The following TMEM132D variants were observed in gnomAD, a reference collection of about 807,000 sequenced individuals.
TMEM132D encodes mature OL transmembrane protein.
Under a neutral mutation model 62.3 loss-of-function variants are expected in TMEM132D, and 21 were observed. That is an observed-to-expected ratio of 0.34 (90% CI 0.24 to 0.49). The LOEUF is 0.49. Ranked by LOEUF, TMEM132D falls within the 20% of genes least tolerant of loss-of-function variation. TMEM132D has a pLI of 0.99. For synonymous variants in TMEM132D, 621 were observed against 575.6 expected, an observed-to-expected ratio of 1.08 and a Z score of -1.13; for missense variants, 1,346 against 1,402.8, an observed-to-expected ratio of 0.96 and a Z score of 0.65.
intron 3 of TMEM132D, among the ~76,000 whole-genome samples, chr12:129,433,637 A>T (rs1872719378): frequency 6.6e-6 from 1 of 152,124 alleles, no homozygotes; most frequent in Non-Finnish European, 1.5e-5. Context: ...ACATTTAGAG[A>T]AGCAAGAGTA....
intron 5 of TMEM132D, among the ~76,000 whole-genome samples, chr12:129,147,201 T>C (rs1436599571): frequency 1.3e-5 from 2 of 149,672 alleles, no homozygotes; most frequent in African/African-American, 5.0e-5. Flanking sequence ...TATATTTACG[T>C]ATATGTATAC....
At chr12:129,343,653 T>C (rs1388551005) in intron 3 of TMEM132D, among the ~76,000 whole-genome samples, 2 of 152,006 alleles carry the variant, frequency 1.3e-5, no homozygotes, top group Non-Finnish European at 1.5e-5. Flanking sequence ...GGCTCATGCC[T>C]GTAATCCCAG....
In TMEM132D at chr12:129,703,915, G is replaced by A. The variant is rs182652226; in HGVS notation, c.80-3217C>T. On this transcript the variant is annotated intron_variant, in intron 1 of 8. Transcript: ENST00000422113. ...TCAAAAGCAATAACTAATCGAATAC[G>A]GTAATAGGCAAAAAAAAAAAAAATC... Among the ~76,000 whole-genome samples the A allele has an allele frequency of 9.8e-4, 101 of 102,848 alleles. 2 individuals carry two copies. Among genetic ancestry groups the A allele is most frequent in the African/African-American group, 3.0e-3 (92 of 30,848 alleles). 67.5% of individuals were successfully genotyped at this position (102,848 alleles called of 152,430 possible).
At chr12:129,633,577 G>T (rs972751553) in intron 2 of TMEM132D, among the ~76,000 whole-genome samples, 1 of 152,040 alleles carries the variant, frequency 6.6e-6, no homozygotes, top group African/African-American at 2.4e-5. Context: ...ATTCACACCC[G>T]GAGCCTTCCT....
chr12:129,284,923 G>A (rs1881248636), intron 4 of TMEM132D, among the ~76,000 whole-genome samples: 1 of 152,148 alleles, frequency 6.6e-6, no homozygotes, highest in Non-Finnish European at 1.5e-5. Flanking sequence ...GGGAAGGAGT[G>A]GGGAAAGACT....
chr12:129,754,985 A>C (rs1190007371), intron 1 of TMEM132D, among the ~76,000 whole-genome samples: 3 of 152,178 alleles, frequency 2.0e-5, no homozygotes, highest in African/African-American at 7.2e-5. Context: ...AATATAAAAA[A>C]ATTTTCCAAA....
At chr12:129,516,742 A>G (rs2398463) in intron 3 of TMEM132D, among the ~76,000 whole-genome samples, 108,902 of 152,092 alleles carry the variant, frequency 0.72, 39,204 homozygotes, top group Middle Eastern at 0.83. Flanking sequence ...TCTGATGGCT[A>G]CTGTAACAAA....
intron 3 of TMEM132D, among the ~76,000 whole-genome samples, chr12:129,527,648 A>G (rs1876087594): frequency 6.6e-6 from 1 of 152,224 alleles, no homozygotes; most frequent in Non-Finnish European, 1.5e-5. Context: ...TTGTCTATGG[A>G]GAGAACTACA....
At chr12:129,494,081 C>A (rs575968479) in intron 3 of TMEM132D, among the ~76,000 whole-genome samples, 2 of 152,294 alleles carry the variant, frequency 1.3e-5, no homozygotes, top group East Asian at 3.9e-4. Context: ...CACGAACACA[C>A]GCTCATCCAA....
At chr12:129,499,623 C>A (rs568284307) in intron 3 of TMEM132D, among the ~76,000 whole-genome samples, 1 of 152,286 alleles carries the variant, frequency 6.6e-6, no homozygotes, top group South Asian at 2.1e-4. Context: ...CAGTAATGGG[C>A]ATCTTCCACA....
chr12:129,554,043 T>G (rs865933710), intron 2 of TMEM132D, among the ~76,000 whole-genome samples: 8 of 152,188 alleles, frequency 5.3e-5, no homozygotes, highest in African/African-American at 1.9e-4. Context: ...CTAGATATAG[T>G]CCCAGTTTCT....
intron 3 of TMEM132D, among the ~76,000 whole-genome samples, chr12:129,505,079 AT>A (rs1266430363): frequency 6.6e-6 from 1 of 152,074 alleles, no homozygotes; most frequent in African/African-American, 2.4e-5. Context: ...TGAGAGAGTG[AT>A]TGATATAATT....
chr12:129,829,056 C>T (rs10773712), intron 1 of TMEM132D, among the ~76,000 whole-genome samples: 120,588 of 151,670 alleles, frequency 0.8, 48,195 homozygotes, highest in Middle Eastern at 0.87. Context: ...CAGCTACCAA[C>T]TTCTAGACTT....
chr12:129,267,229 A>G (rs1014269617), intron 4 of TMEM132D, among the ~76,000 whole-genome samples: 1 of 152,172 alleles, frequency 6.6e-6, no homozygotes, highest in Non-Finnish European at 1.5e-5. Context: ...AATTAGGAAA[A>G]GAGGAAGTCA....
At chr12:129,306,841 C>G (rs1881857146) in intron 4 of TMEM132D, among the ~76,000 whole-genome samples, 2 of 152,114 alleles carry the variant, frequency 1.3e-5, no homozygotes, top group South Asian at 4.1e-4. Flanking sequence ...AATGAGAACT[C>G]CAGGACCAGG....
At chr12:129,421,097 G>A (rs1872309159) in intron 3 of TMEM132D, among the ~76,000 whole-genome samples, 1 of 151,846 alleles carries the variant, frequency 6.6e-6, no homozygotes, top group South Asian at 2.1e-4. Context: ...GAGTAGCTGG[G>A]ATTACAAGCT....
intron 2 of TMEM132D, among the ~76,000 whole-genome samples, chr12:129,623,522 T>C (rs1879126825): frequency 6.6e-6 from 1 of 152,072 alleles, no homozygotes; most frequent in Non-Finnish European, 1.5e-5. Flanking sequence ...AGTGAGAACA[T>C]GTGGTACTTG....
chr12:129,579,315 T>C (rs1877774681), intron 2 of TMEM132D, among the ~76,000 whole-genome samples: 1 of 152,190 alleles, frequency 6.6e-6, no homozygotes, highest in Admixed American at 6.5e-5. Context: ...GTTAGTGTAT[T>C]AGTCAGGGTT....
intron 7 of TMEM132D, among the ~76,000 whole-genome samples, chr12:129,081,535 T>G (rs1160283089): frequency 6.6e-6 from 1 of 152,094 alleles, no homozygotes; most frequent in African/African-American, 2.4e-5. Flanking sequence ...ACTGAGCTCA[T>G]GACCTGCCCG....
Sources: gnomAD v4.1 joint callset for allele counts (sites outside exome capture counted in the v4.1 genomes callset) on GRCh38, gnomAD v4.1.1 for gene constraint, MANE v1.5 for transcripts, NCBI Gene and HGNC (gene_info 2026-07-23, HGNC 2026-07-21) for gene names.